The following PRSS1 variants were observed in gnomAD, a reference collection of about 807,000 sequenced individuals.
The protein encoded by PRSS1 is serine protease 1, also known as TCR V beta 4.1.
Under a neutral mutation model 24.2 loss-of-function variants are expected in PRSS1, and 22 were observed. That is an observed-to-expected ratio of 0.91 (90% CI 0.65 to 1.30). PRSS1 has a LOEUF of 1.30. Ranked by LOEUF, PRSS1 falls within the 50% of genes most tolerant of loss-of-function variation. The pLI is 0.00. For synonymous variants in PRSS1, 126 were observed against 116.1 expected (o/e 1.08, Z -0.55); for missense variants, 366 against 304.2 (o/e 1.20, Z -1.51).
rs142476093 is a variant in PRSS1 at position 142,751,816 on chromosome 7, G to C, written c.243G>C (p.Leu81=). ...VRLGEHNIEV[L]EGNEQFINAA... Reference sequence around the variant, plus strand: ...TGGGAGAGCACAACATCGAAGTCCTGGAGGGGAATGAGCAGTTCATCAATG... The same window carrying C: ...TGGGAGAGCACAACATCGAAGTCCTCGAGGGGAATGAGCAGTTCATCAATG... The change falls in exon 3 of 5, where the codon CTG becomes CTC. Residue 81 remains leucine, a synonymous_variant. Coordinates refer to ENST00000311737, the MANE Select transcript of PRSS1 (RefSeq NM_002769.5). 6.7e-5 allele frequency: 107 copies of C among 1,594,866 alleles called. No individual in the cohort carries two copies. Among genetic ancestry groups the C allele is most frequent in the Non-Finnish European group, 8.9e-5 (104 of 1,173,106 alleles).
In PRSS1 at chr7:142,752,052, A is replaced by C. The variant is rs745807390; in HGVS notation, c.454+25A>C. On this transcript the variant is annotated intron_variant, in intron 3 of 4. Transcript: ENST00000311737. ...GGTGAGTGGGACCCTTAGTCCTTCT[A>C]CTTCCCTCCATCCTCACAATTTCCA... 8.7e-6 allele frequency: 14 copies of C among 1,613,764 alleles called. No individual in the cohort carries two copies. In the South Asian group the frequency reaches 1.1e-4, roughly 13 times the overall value.
chr7:142,749,816 T>C (rs1798535376), intron 1 of PRSS1, among the ~76,000 whole-genome samples: 1 of 152,170 alleles, frequency 6.6e-6, no homozygotes, highest in Admixed American at 6.5e-5. Context: ...GCTTCAGGCT[T>C]GGCTCCAACA....
intron 1 of PRSS1, 97 bp from the exon 2 acceptor site, chr7:142,750,458 G>C: frequency 1.3e-6 from 2 of 1,583,110 alleles, no homozygotes; most frequent in Non-Finnish European, 1.7e-6. Flanking sequence ...CACTGTGCTT[G>C]TTAAGGATTT....
At position 142,750,652 on chromosome 7, in the gene PRSS1, C is replaced by T. The variant is rs929867235; in HGVS notation, c.138C>T (p.His46=). The T allele has an allele frequency of 3.7e-6, 6 of 1,613,906 alleles. No homozygotes were observed. Among genetic ancestry groups the T allele is most frequent in the Non-Finnish European group, 5.1e-6 (6 of 1,179,878 alleles). The change falls in exon 2 of 5, where the codon CAC becomes CAT. Residue 46 remains histidine (H), a synonymous_variant. Coordinates refer to ENST00000311737, the MANE Select transcript of PRSS1 (RefSeq NM_002769.5). The part of the protein sequence containing the change: ...PYQVSLNSGY[H]FCGGSLINEQ... Reference sequence around the variant, plus strand: ...AGGTGTCCCTGAATTCTGGCTACCACTTCTGTGGTGGCTCCCTCATCAACG... The same window carrying T: ...AGGTGTCCCTGAATTCTGGCTACCATTTCTGTGGTGGCTCCCTCATCAACG...
At position 142,749,493 on chromosome 7, in the gene PRSS1, A is replaced by G. The variant is rs2116945188; in HGVS notation, c.9A>G (p.Pro3=). The G allele has an allele frequency of 6.2e-7, 1 of 1,613,248 alleles. No individual in the cohort carries two copies. Among genetic ancestry groups the G allele is most frequent in the Non-Finnish European group, 8.5e-7 (1 of 1,179,836 alleles). Residue 3 remains proline, a synonymous_variant, in exon 1 of 5, where the codon CCA becomes CCG. Transcript: ENST00000311737. MN[P]LLILTFVAAA... Reference sequence around the variant, plus strand: ...AGGCACACTCTACCACCATGAATCCACTCCTGATCCTTACCTTTGTGGCAG... The same window carrying G: ...AGGCACACTCTACCACCATGAATCCGCTCCTGATCCTTACCTTTGTGGCAG...
chr7:142,750,637 G>A lies in PRSS1; in HGVS notation c.123G>A (p.Leu41=). The change falls in exon 2 of 5, where the codon CTG becomes CTA. Residue 41 remains leucine, a synonymous_variant. Coordinates refer to ENST00000311737, the MANE Select transcript of PRSS1 (RefSeq NM_002769.5). The stretch of plus-strand genomic sequence containing the variant: ...ATTCTGTCCCCTACCAGGTGTCCCT[G>A]AATTCTGGCTACCACTTCTGTGGTG... ...EENSVPYQVS[L]NSGYHFCGGS... 6.2e-7 allele frequency: 1 copy of A among 1,614,052 alleles called. No individual in the cohort carries two copies. The highest frequency in any genetic ancestry group is 8.5e-7 in the Non-Finnish European group (1 of 1,179,878).
At chr7:142,751,632 G>T (rs768425070) in intron 2 of PRSS1, 142 bp from the exon 3 acceptor site, 1 of 1,047,392 alleles carries the variant, frequency 9.5e-7, no homozygotes, top group Non-Finnish European at 1.3e-6. Context: ...ACATCCCTCT[G>T]CTGCCCATGC....
At chr7:142,752,174 G>A in intron 3 of PRSS1, 147 bp downstream of exon 3, 1 of 1,357,418 alleles carries the variant, frequency 7.4e-7, no homozygotes, top group Non-Finnish European at 1.0e-6. Context: ...GGGCACCAGA[G>A]AGATGCAAAC....
chr7:142,751,312 T>A (rs1431620055), intron 2 of PRSS1: 1 of 597,332 alleles, frequency 1.7e-6, no homozygotes, highest in African/African-American at 1.9e-5. Context: ...TTCTAACAAG[T>A]TCCCAGGAGA....
At chr7:142,752,326 C>G (rs1798812371) in intron 3 of PRSS1, 105 bp from the exon 4 acceptor site, 6 of 1,494,872 alleles carry the variant, frequency 4.0e-6, no homozygotes, top group Non-Finnish European at 5.6e-6. Context: ...CTGGAGTCCT[C>G]TCCAGGGGCT....
intron 1 of PRSS1, 91 bp from the exon 2 acceptor site, chr7:142,750,464 G>A (rs1459859534): frequency 7.0e-6 from 11 of 1,580,638 alleles, no homozygotes; most frequent in Middle Eastern, 1.8e-4. Flanking sequence ...GCTTGTTAAG[G>A]ATTTCTAATT....
At chr7:142,751,148 T>G (rs1457683901) in intron 2 of PRSS1, 1 of 700,140 alleles carries the variant, frequency 1.4e-6, no homozygotes, top group Non-Finnish European at 2.6e-6. Context: ...AACTGTAGAG[T>G]GTATAGACAG....
At chr7:142,751,387 T>A (rs1307128560) in intron 2 of PRSS1, 6 of 478,912 alleles carry the variant, frequency 1.3e-5, no homozygotes, top group South Asian at 2.4e-5. Flanking sequence ...AGGCCAAGAA[T>A]GGAGGGAGGA....
rs1397404221 is a variant in PRSS1 at position 142,751,766 on chromosome 7, C to A, written c.201-8C>A. 6.2e-7 allele frequency: 1 copy of A among 1,614,036 alleles called. No individual in the cohort carries two copies. The highest frequency in any genetic ancestry group is 8.5e-7 in the Non-Finnish European group (1 of 1,180,044). ...GAAGGTCTTCACCATGCCTGCCCTGCCCATCAGCCGCATCCAGGTGAGACT... is the reference window on the plus strand; with the variant it reads ...GAAGGTCTTCACCATGCCTGCCCTGACCATCAGCCGCATCCAGGTGAGACT... On this transcript the variant is annotated splice_polypyrimidine_tract_variant and splice_region_variant and intron_variant, in intron 2 of 4. Transcript: ENST00000311737.
intron 2 of PRSS1, chr7:142,751,485 CT>C (rs374468012): frequency 2.0e-6 from 1 of 500,444 alleles, no homozygotes; most frequent in Non-Finnish European, 3.6e-6. Context: ...GTGCTAGTGA[CT>C]GTGGAGATTG....
rs530207004 is a variant in PRSS1, at chr7:142,751,675, G to C, written c.201-99G>C. The stretch of plus-strand genomic sequence containing the variant: ...CCACACACCCCACCCCATGCCTCCA[G>C]AGCTGTCCATGAGCAGAGAGCTTGA... On this transcript the variant is annotated intron_variant, in intron 2 of 4. Coordinates refer to ENST00000311737, the MANE Select transcript of PRSS1 (RefSeq NM_002769.5). 1.3e-3 allele frequency: 2,159 copies of C among 1,610,810 alleles called. No homozygotes were observed. The highest frequency in any genetic ancestry group is 1.7e-3 in the Admixed American group (104 of 59,850).
At chr7:142,750,946 G>A (rs1403689879) in intron 2 of PRSS1, 1 of 761,662 alleles carries the variant, frequency 1.3e-6, no homozygotes. Flanking sequence ...AGCAGGCAGG[G>A]ATGATCTTGG....
chr7:142,750,899 G>T, intron 2 of PRSS1, 185 bp downstream of exon 2: 1 of 904,842 alleles, frequency 1.1e-6, no homozygotes, highest in Non-Finnish European at 1.8e-6. Context: ...CTCACACCCA[G>T]GCAAATCCAT....
At chr7:142,750,745 C>A in intron 2 of PRSS1, 31 bp downstream of exon 2, 5 of 1,613,738 alleles carry the variant, frequency 3.1e-6, no homozygotes, top group Non-Finnish European at 4.2e-6. Flanking sequence ...TGCAAAGCTC[C>A]CGGCCAGTCT....
Sources: gnomAD v4.1 joint callset for allele counts (sites outside exome capture counted in the v4.1 genomes callset) on GRCh38, gnomAD v4.1.1 for gene constraint, MANE v1.5 for transcripts, NCBI Gene and HGNC (gene_info 2026-07-23, HGNC 2026-07-21) for gene names.